Variants in CADM2 observed in about 807,000 individuals in gnomAD.
CADM2 encodes the protein immunoglobulin superfamily member 4D.
In CADM2, 12 loss-of-function variants were observed where a neutral mutation model predicts 49.8. The observed-to-expected ratio is 0.24, with a 90% CI of 0.15 to 0.39. CADM2 has a LOEUF of 0.39. CADM2 is among the 10% of genes least tolerant of loss of function. The probability of loss-of-function intolerance (pLI) is 1.00; values close to 1 mark genes in which losing one functional copy is unlikely to be tolerated. For missense variants in CADM2, 378 were observed against 492.3 expected (o/e 0.77, Z 2.20); for synonymous variants, 214 against 175.4 (o/e 1.22, Z -1.74).
intron 1 of CADM2, among the ~76,000 whole-genome samples, chr3:85,244,439 T>C (rs569581148): frequency 4.2e-4 from 64 of 152,336 alleles, no homozygotes; most frequent in African/African-American, 1.3e-3. Flanking sequence ...AACTTCAGGT[T>C]AAATAACATT....
At chr3:85,254,941 C>T (rs72917150) in intron 1 of CADM2, among the ~76,000 whole-genome samples, 10,008 of 152,072 alleles carry the variant, frequency 0.066, 1,084 homozygotes, top group African/African-American at 0.23. Context: ...ATTATCCCTG[C>T]GAGTCAGCCT....
chr3:86,057,410 G>A (rs1192527217), intron 8 of CADM2, among the ~76,000 whole-genome samples: 1 of 152,108 alleles, frequency 6.6e-6, no homozygotes, highest in Non-Finnish European at 1.5e-5. Flanking sequence ...ATACTTGATA[G>A]TAACAGTTTT....
intron 1 of CADM2, among the ~76,000 whole-genome samples, chr3:85,422,210 T>C (rs1559831853): frequency 6.6e-6 from 1 of 152,206 alleles, no homozygotes; most frequent in East Asian, 1.9e-4. Context: ...TTTAATTTGC[T>C]AAAAAGTCTC....
intron 2 of CADM2, among the ~76,000 whole-genome samples, chr3:85,774,167 G>A (rs1577281150): frequency 2.0e-5 from 3 of 151,612 alleles, no homozygotes; most frequent in African/African-American, 7.3e-5. Flanking sequence ...ATAACTAAAA[G>A]GAATCTAAGA....
intron 1 of CADM2, among the ~76,000 whole-genome samples, chr3:85,111,990 A>G (rs1347764623): frequency 3.3e-5 from 5 of 151,908 alleles, no homozygotes; most frequent in African/African-American, 1.2e-4. Context: ...CCTATCTAAA[A>G]AATAAGGGCT....
chr3:85,704,945 G>A (rs964297425), intron 1 of CADM2, among the ~76,000 whole-genome samples: 24 of 149,834 alleles, frequency 1.6e-4, no homozygotes, highest in Admixed American at 8.7e-4. Flanking sequence ...TGCAAGCTCC[G>A]CCTCCCGGGT....
At chr3:85,625,985 G>A (rs990754949) in intron 1 of CADM2, among the ~76,000 whole-genome samples, 5 of 151,936 alleles carry the variant, frequency 3.3e-5, no homozygotes, top group African/African-American at 1.2e-4. Context: ...TTGAAATTAT[G>A]TAAGTATTTT....
intron 2 of CADM2, among the ~76,000 whole-genome samples, chr3:85,779,393 T>G (rs1009496182): frequency 6.6e-6 from 1 of 152,204 alleles, no homozygotes; most frequent in Non-Finnish European, 1.5e-5. Context: ...AATAAACACA[T>G]GCATGAGACT....
chr3:85,977,170 A>AAAACT (rs1351714299), intron 8 of CADM2, among the ~76,000 whole-genome samples: 5 of 150,800 alleles, frequency 3.3e-5, no homozygotes, highest in African/African-American at 9.7e-5. Context: ...AAAACAAAAC[A>AAAACT]AAACTAAACT....
At chr3:85,440,502 C>G (rs554266259) in intron 1 of CADM2, among the ~76,000 whole-genome samples, 1 of 152,076 alleles carries the variant, frequency 6.6e-6, no homozygotes, top group Non-Finnish European at 1.5e-5. Flanking sequence ...AAATACACTA[C>G]GAGGTTGGAG....
chr3:85,930,731 A>G (rs1230264453), intron 6 of CADM2, among the ~76,000 whole-genome samples: 1 of 151,976 alleles, frequency 6.6e-6, no homozygotes, highest in Admixed American at 6.6e-5. Context: ...TGCCTCGCTT[A>G]TTTCACAAAA....
Position 85,334,229 on chromosome 3 carries a change from C to T in CADM2, c.61+374561C>T, listed in dbSNP as rs534324351. ...ATGCTGGATGATTTTCTATCATTTT[C>T]TCAAGTTATCAAAACTGCCTCAGGT... On this transcript the variant is annotated intron_variant, in intron 1 of 9. Transcript: ENST00000383699. Among the ~76,000 whole-genome samples, 6 of 151,556 alleles carry T rather than the reference C, an allele frequency of 4.0e-5. No homozygotes were observed. In the South Asian group the frequency reaches 1.2e-3, roughly 31 times the overall value.
chr3:85,852,731 T>A (rs796509361), intron 3 of CADM2, among the ~76,000 whole-genome samples: 1 of 152,120 alleles, frequency 6.6e-6, no homozygotes, highest in Non-Finnish European at 1.5e-5. Flanking sequence ...CAACTCTTTT[T>A]AGCTAAAATT....
chr3:85,577,252 G>C (rs1241155697), intron 1 of CADM2, among the ~76,000 whole-genome samples: 3 of 152,146 alleles, frequency 2.0e-5, no homozygotes, highest in African/African-American at 7.2e-5. Context: ...GAGTTCATGT[G>C]TTGGAAGCTT....
intron 1 of CADM2, among the ~76,000 whole-genome samples, chr3:85,572,327 A>T (rs1264083590): frequency 6.6e-6 from 1 of 152,136 alleles, no homozygotes; most frequent in Non-Finnish European, 1.5e-5. Context: ...GTGAATTTTC[A>T]TGTTACAAAG....
At chr3:85,035,618 C>G (rs1217415270) in intron 1 of CADM2, among the ~76,000 whole-genome samples, 1 of 152,068 alleles carries the variant, frequency 6.6e-6, no homozygotes, top group Non-Finnish European at 1.5e-5. Context: ...AGATAGGACT[C>G]TAGTTTCATT....
At chr3:85,333,476 C>G (rs1356001070) in intron 1 of CADM2, among the ~76,000 whole-genome samples, 2 of 151,806 alleles carry the variant, frequency 1.3e-5, no homozygotes, top group South Asian at 4.1e-4. Flanking sequence ...TCTGTGCATG[C>G]AAATTGGGTA....
At chr3:85,607,143 G>A (rs2063559166) in intron 1 of CADM2, among the ~76,000 whole-genome samples, 1 of 152,056 alleles carries the variant, frequency 6.6e-6, no homozygotes. Context: ...AAAATTAAGA[G>A]GTTTAAGAAG....
chr3:85,298,950 A>G lies in CADM2; in HGVS notation c.61+339282A>G, dbSNP rs1273544452. 2.0e-5 allele frequency among the ~76,000 whole-genome samples: 3 copies of G among 152,062 alleles called. No homozygotes were observed. In the East Asian group the frequency reaches 5.8e-4, roughly 29 times the overall value. ...GAGCACATCAACTGTGGTTTTTAAA[A>G]TGTTCCCAAAACAGAGTAATAAATC... On this transcript the variant is annotated intron_variant, in intron 1 of 9. Coordinates refer to ENST00000383699, the MANE Select transcript of CADM2 (RefSeq NM_001167675.2).
Sources: gnomAD v4.1 joint callset for allele counts (sites outside exome capture counted in the v4.1 genomes callset) on GRCh38, gnomAD v4.1.1 for gene constraint, MANE v1.5 for transcripts, NCBI Gene and HGNC (gene_info 2026-07-23, HGNC 2026-07-21) for gene names.